Variants in RESF1 observed in about 807,000 individuals in gnomAD.
RESF1 encodes the protein gonad expressed transcript.
A neutral mutation model predicts 134.7 loss-of-function variants in RESF1; 65 were observed. The observed-to-expected ratio is 0.48, with a 90% CI of 0.40 to 0.59. The LOEUF (loss-of-function observed/expected upper bound fraction) is 0.59. Ranked by LOEUF, RESF1 falls within the 20% of genes least tolerant of loss-of-function variation. The pLI is 0.00. For missense variants in RESF1, 2,274 were observed against 2,002.7 expected (o/e 1.14, Z -2.59); for synonymous variants, 762 against 702.2 (o/e 1.09, Z -1.35).
At chr12:31,990,097 T>G (rs1940065433) in intron 5 of RESF1, among the ~76,000 whole-genome samples, 1 of 152,108 alleles carries the variant, frequency 6.6e-6, no homozygotes, top group Non-Finnish European at 1.5e-5. Flanking sequence ...GAGACATGAT[T>G]ATCTCAAAGA....
intron 2 of RESF1, among the ~76,000 whole-genome samples, chr12:31,961,287 T>A (rs548233261): frequency 3.9e-5 from 6 of 152,230 alleles, no homozygotes; most frequent in South Asian, 4.1e-4. Flanking sequence ...AGGGCTTTCA[T>A]CTGTAACCAC....
intron 2 of RESF1, among the ~76,000 whole-genome samples, chr12:31,963,041 C>T (rs531323779): frequency 4.7e-4 from 71 of 150,582 alleles, no homozygotes; most frequent in African/African-American, 1.5e-3. Context: ...TACCCTAGCT[C>T]GGGTGACAGA....
intron 2 of RESF1, among the ~76,000 whole-genome samples, chr12:31,969,307 C>A (rs1939460136): frequency 1.3e-5 from 2 of 152,182 alleles, no homozygotes; most frequent in South Asian, 2.1e-4. Flanking sequence ...GAGTTCAAGA[C>A]CAGCCTAGGC....
At chr12:31,989,280 C>G (rs1292470487) in intron 5 of RESF1, among the ~76,000 whole-genome samples, 2 of 150,770 alleles carry the variant, frequency 1.3e-5, no homozygotes, top group Non-Finnish European at 2.9e-5. Context: ...CCTGTAGTCC[C>G]AGCTACTCGG....
chr12:31,984,445 G>A lies in RESF1; in HGVS notation c.3490G>A (p.Asp1164Asn). 8 of 1,614,134 alleles carry A rather than the reference G, an allele frequency of 5.0e-6. No individual in the cohort carries two copies. Among genetic ancestry groups the A allele is most frequent in the Non-Finnish European group, 6.8e-6 (8 of 1,179,998 alleles). Residue 1164 changes from aspartate to asparagine, a missense_variant, in exon 4 of 6, where the codon GAC becomes AAC. Physicochemically the swap from Asp to Asn is conservative, Grantham distance 23. Transcript: ENST00000312561. ...ACAAAGTCGTGATTCTGTGATACTG[G>A]ACTCTGAGAAAGATGATATCCACTG... Reference protein sequence around the residue: ...AGQSRDSVILDSEKDDIHCCA... With the variant: ...AGQSRDSVILNSEKDDIHCCA...
chr12:31,979,678 G>T (rs73298610), intron 3 of RESF1, among the ~76,000 whole-genome samples: 5,174 of 151,894 alleles, frequency 0.034, 308 homozygotes, highest in African/African-American at 0.12. Context: ...TGAGTAGGTG[G>T]CTGGGACTAC....
At chr12:31,973,874 C>T (rs754026798) in intron 3 of RESF1, among the ~76,000 whole-genome samples, 1 of 152,058 alleles carries the variant, frequency 6.6e-6, no homozygotes, top group Non-Finnish European at 1.5e-5. Context: ...AACTGGGTGT[C>T]CTACAATTCA....
At position 31,983,124 on chromosome 12, in the gene RESF1, A is replaced by G. The variant is rs756769383; in HGVS notation, c.2169A>G (p.Ser723=). ...VKSPCSVVGN[S]NSQNKISNPS... is the part of the protein sequence containing the mutation. ...GTCCTTGTTCAGTTGTGGGAAATTC[A>G]AATTCTCAGAATAAAATAAGTAATC... The change falls in exon 4 of 6, where the codon TCA becomes TCG. Residue 723 remains serine (S), a synonymous_variant. Transcript: ENST00000312561. The G allele has an allele frequency of 1.2e-6, 2 of 1,610,804 alleles. No individual in the cohort carries two copies. Among genetic ancestry groups the G allele is most frequent in the South Asian group, 2.2e-5 (2 of 90,606 alleles).
In RESF1 at chr12:31,981,267, A is replaced by G. The variant is rs1055529161; in HGVS notation, c.312A>G (p.Leu104=). 1.2e-6 allele frequency: 2 copies of G among 1,614,184 alleles called. No individual in the cohort carries two copies. Among genetic ancestry groups the G allele is most frequent in the Non-Finnish European group, 1.7e-6 (2 of 1,180,022 alleles). ...TYANVNGPKQ[L]THNLQMSSGV... is the part of the protein sequence containing the mutation. ...CAAATGTTAATGGACCCAAACAACT[A>G]ACTCACAATTTGCAGATGTCTTCAG... The change falls in exon 4 of 6, where the codon CTA becomes CTG. Residue 104 remains leucine, a synonymous_variant. Coordinates refer to ENST00000312561, the MANE Select transcript of RESF1 (RefSeq NM_018169.4).
chr12:31,964,941 T>C (rs1278801418), intron 2 of RESF1, among the ~76,000 whole-genome samples: 1 of 152,102 alleles, frequency 6.6e-6, no homozygotes, highest in African/African-American at 2.4e-5. Context: ...TATATGGTCT[T>C]GTTTATTGTA....
At chr12:31,978,951 A>C (rs1341868374) in intron 3 of RESF1, among the ~76,000 whole-genome samples, 7 of 131,676 alleles carry the variant, frequency 5.3e-5, no homozygotes, top group South Asian at 2.4e-4. Flanking sequence ...AACGGAGTCT[A>C]GCTCTGTCAC....
At chr12:31,964,449 C>T (rs1015579993) in intron 2 of RESF1, among the ~76,000 whole-genome samples, 2 of 152,166 alleles carry the variant, frequency 1.3e-5, no homozygotes, top group African/African-American at 4.8e-5. Flanking sequence ...CAAGCTCCTG[C>T]AAAGGACATG....
chr12:31,974,504 C>T (rs1284228400), intron 3 of RESF1, among the ~76,000 whole-genome samples: 1 of 152,062 alleles, frequency 6.6e-6, no homozygotes, highest in Non-Finnish European at 1.5e-5. Context: ...AGGTGACTGT[C>T]TTCTTGCTGT....
chr12:31,983,357 A>G lies in RESF1; in HGVS notation c.2402A>G (p.Gln801Arg). ...AAAGAAGGCAGTGTTTGTAGTTTAC[A>G]AAATCAATTGGCAGAAAATGCAAAG... The part of the protein sequence containing the change: ...VIKEGSVCSL[Q>R]NQLAENAKAT... Residue 801 changes from glutamine (Q) to arginine (R), a missense_variant, in exon 4 of 6, where the codon CAA becomes CGA. Transcript: ENST00000312561. The G allele has an allele frequency of 6.2e-7, 1 of 1,614,102 alleles. No homozygotes were observed. Among genetic ancestry groups the G allele is most frequent in the Non-Finnish European group, 8.5e-7 (1 of 1,180,032 alleles).
intron 2 of RESF1, among the ~76,000 whole-genome samples, chr12:31,965,917 C>T (rs576899420): frequency 6.7e-6 from 1 of 148,850 alleles, no homozygotes; most frequent in South Asian, 2.1e-4. Context: ...AGAAGTGATA[C>T]TTCGAATACA....
chr12:31,962,874 G>C (rs1939309526), intron 2 of RESF1, among the ~76,000 whole-genome samples: 1 of 152,196 alleles, frequency 6.6e-6, no homozygotes, highest in African/African-American at 2.4e-5. Flanking sequence ...AAGGTGGGCA[G>C]ATCACCTGAG....
At position 31,983,603 on chromosome 12, in the gene RESF1, C is replaced by T. The variant is rs1271997421; in HGVS notation, c.2648C>T (p.Thr883Ile). The T allele has an allele frequency of 9.3e-6, 15 of 1,613,902 alleles. No homozygotes were observed. The highest frequency in any genetic ancestry group is 1.3e-5 in the Non-Finnish European group (15 of 1,179,938). ...QQISQESRNSTVVSSDTLQID... is the reference protein window; with the variant it reads ...QQISQESRNSIVVSSDTLQID... ...ATCTCACAGGAGTCAAGGAATAGTACTGTTGTGAGTAGTGATACATTACAG... is the reference window on the plus strand; with the variant it reads ...ATCTCACAGGAGTCAAGGAATAGTATTGTTGTGAGTAGTGATACATTACAG... Residue 883 changes from threonine (T) to isoleucine (I), a missense_variant, in exon 4 of 6, where the codon ACT (threonine) becomes ATT (isoleucine). Thr to Ile is a moderately conservative substitution (Grantham distance 89). Transcript: ENST00000312561.
rs951564874 is a variant in RESF1 at position 31,985,367 on chromosome 12, A to C, written c.4412A>C (p.Asn1471Thr). The change falls in exon 4 of 6, where the codon AAC (asparagine) becomes ACC (threonine). Residue 1471 changes from asparagine (N) to threonine (T), a missense_variant. By Grantham distance (65) the Asn-to-Thr change is moderately conservative. Coordinates refer to ENST00000312561, the MANE Select transcript of RESF1 (RefSeq NM_018169.4). ...GCATCGAAGAAAATCTGTGTGAAAA[A>C]CGTGCCATGTGATTCTGAACATATG... The part of the protein sequence containing the change: ...NKASKKICVK[N>T]VPCDSEHMRP... 1 of 1,607,210 alleles carries C rather than the reference A, an allele frequency of 6.2e-7. No individual in the cohort carries two copies. Among genetic ancestry groups the C allele is most frequent in the Non-Finnish European group, 8.5e-7 (1 of 1,178,466 alleles).
intron 1 of RESF1, chr12:31,959,706 G>C (rs566786800): frequency 1.2e-3 from 178 of 151,288 alleles, no homozygotes; most frequent in African/African-American, 4.2e-3. Context: ...CACCGGAGCT[G>C]GGCCGGGCCG....
Sources: gnomAD v4.1 joint callset for allele counts (sites outside exome capture counted in the v4.1 genomes callset) on GRCh38, gnomAD v4.1.1 for gene constraint, MANE v1.5 for transcripts, NCBI Gene and HGNC (gene_info 2026-07-23, HGNC 2026-07-21) for gene names.